The following PEBP4 variants were observed in gnomAD, a reference collection of about 807,000 sequenced individuals.
PEBP4 encodes the protein phosphatidylethanolamine-binding protein 4.
A neutral mutation model predicts 23.9 loss-of-function variants in PEBP4; 22 were observed. The ratio of observed to expected loss-of-function variants is 0.92; its 90% CI spans 0.66 to 1.31. The LOEUF is 1.31. Among genes scored for constraint, PEBP4 ranks in the 40% most tolerant of loss-of-function variants. The pLI is 0.00. For synonymous variants in PEBP4, 112 were observed against 99.3 expected, an observed-to-expected ratio of 1.13 and a Z score of -0.76; for missense variants, 324 against 281.7, an observed-to-expected ratio of 1.15 and a Z score of -1.07.
At chr8:22,811,081 TTCTC>T (rs1044442326) in intron 4 of PEBP4, among the ~76,000 whole-genome samples, 3 of 151,604 alleles carry the variant, frequency 2.0e-5, no homozygotes, top group Admixed American at 6.6e-5. Flanking sequence ...CTCTCTTTCT[TTCTC>T]TCTCTCTCTC....
intron 3 of PEBP4, among the ~76,000 whole-genome samples, chr8:22,863,559 C>A (rs546344434): frequency 6.6e-6 from 1 of 152,242 alleles, no homozygotes; most frequent in East Asian, 1.9e-4. Flanking sequence ...TAGGGTCCTG[C>A]CTCCCTGCAT....
chr8:22,904,940 T>C (rs2128777608), intron 3 of PEBP4, among the ~76,000 whole-genome samples: 1 of 152,332 alleles, frequency 6.6e-6, no homozygotes, highest in African/African-American at 2.4e-5. Context: ...ACAATGAACA[T>C]CCTTTTACAT....
chr8:22,847,860 C>T (rs554712646), intron 3 of PEBP4, among the ~76,000 whole-genome samples: 121 of 152,236 alleles, frequency 7.9e-4, no homozygotes, highest in African/African-American at 2.3e-3. Context: ...CAGGTGGCTT[C>T]GAGAGAATGC....
chr8:22,884,767 A>G (rs1326316235), intron 3 of PEBP4: 1 of 151,950 alleles, frequency 6.6e-6, no homozygotes, highest in Non-Finnish European at 1.5e-5. Flanking sequence ...TCTTCTCCCA[A>G]TGTCCTCTCC....
chr8:22,736,384 T>C (rs926527143), intron 4 of PEBP4, among the ~76,000 whole-genome samples: 2 of 152,088 alleles, frequency 1.3e-5, no homozygotes, highest in African/African-American at 4.8e-5. Flanking sequence ...GCAGGAGGAT[T>C]GCTTAGGGCC....
intron 4 of PEBP4, among the ~76,000 whole-genome samples, chr8:22,759,784 T>C (rs1400830467): frequency 6.6e-6 from 1 of 152,138 alleles, no homozygotes; most frequent in Non-Finnish European, 1.5e-5. Flanking sequence ...ACCCGTGCCG[T>C]CTCATGGCTG....
Position 22,724,948 on chromosome 8 carries a change from C to G in PEBP4, c.412G>C (p.Ala138Pro), listed in dbSNP as rs201641159. The change falls in exon 6 of 7, where the codon GCT (alanine) becomes CCT (proline). Residue 138 changes from alanine (A) to proline (P), a missense_variant. Coordinates refer to ENST00000256404, the MANE Select transcript of PEBP4 (RefSeq NM_144962.3). The stretch of plus-strand genomic sequence containing the variant: ...CCACTGTGTGCCGGTGGGGAGGGAG[C>G]CTGGTAGGCTATAGGTAGAAGCAGG... ...IQGQELSAYQ[A>P]PSPPAHSGFH... 552 of 1,612,828 alleles carry G rather than the reference C, an allele frequency of 3.4e-4. No homozygotes were observed. Among genetic ancestry groups the G allele is most frequent in the Middle Eastern group, 2.0e-3 (12 of 5,912 alleles).
At chr8:22,935,676 CACA>C (rs1206758658) in intron 1 of PEBP4, among the ~76,000 whole-genome samples, 6 of 152,092 alleles carry the variant, frequency 3.9e-5, no homozygotes, top group African/African-American at 4.8e-5. Flanking sequence ...TTGTTTTATG[CACA>C]ACATTATTAA....
At chr8:22,784,888 G>T (rs974759399) in intron 4 of PEBP4, among the ~76,000 whole-genome samples, 1 of 152,206 alleles carries the variant, frequency 6.6e-6, no homozygotes, top group African/African-American at 2.4e-5. Context: ...CAGGAGAAAG[G>T]CAGCGAGCCG....
intron 4 of PEBP4, among the ~76,000 whole-genome samples, chr8:22,774,639 T>C (rs972620362): frequency 3.3e-5 from 5 of 152,144 alleles, no homozygotes; most frequent in African/African-American, 1.2e-4. Context: ...CCAGCTGAAG[T>C]TGCTGACCCT....
chr8:22,784,788 G>A (rs1805995786), intron 4 of PEBP4, among the ~76,000 whole-genome samples: 1 of 152,142 alleles, frequency 6.6e-6, no homozygotes, highest in African/African-American at 2.4e-5. Flanking sequence ...AGAAAATGAC[G>A]GCAGCAAAAA....
upstream of PEBP4, among the ~76,000 whole-genome samples, chr8:22,928,737 T>C (rs1809405793): frequency 6.6e-6 from 1 of 152,176 alleles, no homozygotes; most frequent in South Asian, 2.1e-4. Flanking sequence ...GAGCTCTCTC[T>C]GGATGCTGGG....
At chr8:22,751,563 T>A (rs1054451114) in intron 4 of PEBP4, among the ~76,000 whole-genome samples, 1 of 151,638 alleles carries the variant, frequency 6.6e-6, no homozygotes, top group African/African-American at 2.4e-5. Flanking sequence ...ACAGGAGGCT[T>A]TGACTTGGAT....
rs573360222 is a variant in PEBP4 at position 22,775,481 on chromosome 8, G to C, written c.357+42156C>G. Among the ~76,000 whole-genome samples, 9 of 152,244 alleles carry C rather than the reference G, an allele frequency of 5.9e-5. No individual in the cohort carries two copies. The highest frequency in any genetic ancestry group is 2.1e-4 in the South Asian group (1 of 4,820). On this transcript the variant is annotated intron_variant, in intron 4 of 6. Transcript: ENST00000256404. The surrounding 1 kb of genome is among the most constrained non-coding windows in gnomAD (Gnocchi z 4.8). ...CCGTGGGTGGTGTTCACGTATGGAG[G>C]GGGGGGATTTCTTTTTAAGAGACAA...
At chr8:22,736,486 G>A (rs904818446) in intron 4 of PEBP4, among the ~76,000 whole-genome samples, 25 of 152,104 alleles carry the variant, frequency 1.6e-4, no homozygotes, top group Non-Finnish European at 2.9e-5. Context: ...TGTTCCTGTA[G>A]TCCTGGCTAC....
chr8:22,715,204 A>G (rs774668090), intron 6 of PEBP4, among the ~76,000 whole-genome samples: 5 of 152,202 alleles, frequency 3.3e-5, no homozygotes, highest in Admixed American at 6.5e-5. Context: ...TTTTGCAGAA[A>G]GGGTGGCCAA....
At chr8:22,727,354 G>T in intron 4 of PEBP4, 134 bp from the exon 5 acceptor site, 1 of 847,564 alleles carries the variant, frequency 1.2e-6, no homozygotes, top group Non-Finnish European at 1.9e-6. Flanking sequence ...AAGTAGGATG[G>T]GAGAGGAGGA....
Position 22,920,206 on chromosome 8 carries a change from A to G in PEBP4, c.236T>C (p.Val79Ala), listed in dbSNP as rs775305875. The part of the protein sequence containing the change: ...QKITSWMEPI[V>A]KFPGAVDGAT... Reference sequence around the variant, plus strand: ...CACGTCCACGGCCCCCGGGAACTTGACTATCGGCTCCATCCAGGAGGTGAT... The same window carrying G: ...CACGTCCACGGCCCCCGGGAACTTGGCTATCGGCTCCATCCAGGAGGTGAT... The change falls in exon 3 of 7, where the codon GTC (valine) becomes GCC (alanine). Residue 79 changes from valine (V) to alanine (A), a missense_variant. Val to Ala is a moderately conservative substitution (Grantham distance 64). Coordinates refer to ENST00000256404, the MANE Select transcript of PEBP4 (RefSeq NM_144962.3). 1.9e-6 allele frequency: 3 copies of G among 1,611,466 alleles called. No homozygotes were observed. In the Admixed American group the frequency reaches 5.0e-5, roughly 27 times the overall value.
chr8:22,911,739 T>C (rs555927371), intron 3 of PEBP4, among the ~76,000 whole-genome samples: 1 of 151,648 alleles, frequency 6.6e-6, no homozygotes, highest in East Asian at 2.0e-4. Context: ...ATCCCAAACA[T>C]GTGAAGAGCC....
Sources: allele counts gnomAD v4.1 joint callset (sites outside exome capture counted in the v4.1 genomes callset), GRCh38; gene constraint gnomAD v4.1.1; non-coding constraint Gnocchi (gnomAD v3.1); transcripts MANE v1.5; gene names NCBI Gene and HGNC (gene_info 2026-07-23, HGNC 2026-07-21).